Variants in COL2A1 observed in about 807,000 individuals in gnomAD.
COL2A1 encodes collagen alpha-1(II) chain.
Under a neutral mutation model 204.5 loss-of-function variants are expected in COL2A1, and 28 were observed. The observed-to-expected ratio is 0.14, with a 90% CI of 0.10 to 0.19. The LOEUF is 0.19. COL2A1 is among the 10% of genes least tolerant of loss of function. The probability of loss-of-function intolerance (pLI) is 1.00; values close to 1 mark genes in which losing one functional copy is unlikely to be tolerated. For missense variants in COL2A1, 1,388 were observed against 2,027.5 expected (o/e 0.68, Z 6.06); for synonymous variants, 708 against 718.7 (o/e 0.99, Z 0.24).
intron 16 of COL2A1, among the ~76,000 whole-genome samples, chr12:47,991,450 G>A (rs1176932434): frequency 6.6e-6 from 1 of 152,104 alleles, no homozygotes. Flanking sequence ...TGCACACCCC[G>A]GACACTGCAC....
At chr12:47,981,220 G>A in intron 37 of COL2A1, 123 bp downstream of exon 37, 1 of 1,109,552 alleles carries the variant, frequency 9.0e-7, no homozygotes, top group Non-Finnish European at 1.3e-6. Flanking sequence ...AGCGGGTAGG[G>A]AGGGAGCCAG....
chr12:47,977,767 C>T (rs1413783272), intron 44 of COL2A1, 114 bp from the exon 45 acceptor site: 2 of 1,226,706 alleles, frequency 1.6e-6, no homozygotes, highest in African/African-American at 1.5e-5. Flanking sequence ...AACTCACTCA[C>T]ACTTTGAAGC....
rs1351714277 is a variant in COL2A1 at position 47,978,281 on chromosome 12, C to T, written c.3003+10G>A. ...CAGCTTGGATGGAGGGAGGGATACC[C>T]CACACTCACCGACGGGCCAGGCAAG... On this transcript the variant is annotated intron_variant, in intron 43 of 53. Coordinates refer to ENST00000380518, the MANE Select transcript of COL2A1 (RefSeq NM_001844.5). This position sits in a 1 kb window ranked among gnomAD's most constrained non-coding sequence, Gnocchi z 5.5. 1 of 1,613,508 alleles carries T rather than the reference C, an allele frequency of 6.2e-7. No individual in the cohort carries two copies.
chr12:47,982,424 G>A (rs1939146055), intron 34 of COL2A1, 78 bp downstream of exon 34: 2 of 1,224,770 alleles, frequency 1.6e-6, no homozygotes, highest in African/African-American at 1.5e-5. Context: ...GGTGCCATAA[G>A]GGAACGGAAG....
chr12:47,986,348 G>A lies in COL2A1; in HGVS notation c.1515C>T (p.Pro505=). ...GEPGGVGPIG[P]PGERGAPGNR... ...ACATTCACTTAACTCTTTCTCCAGG[G>A]GGACCGATGGGCCCAACGCCACCAG... The change falls in exon 23 of 54, where the codon CCC becomes CCT. Residue 505 remains proline, a synonymous_variant. Transcript: ENST00000380518. 6.4e-7 allele frequency: 1 copy of A among 1,563,122 alleles called. No individual in the cohort carries two copies. The highest frequency in any genetic ancestry group is 8.7e-7 in the Non-Finnish European group (1 of 1,152,366).
chr12:47,982,687 A>G, intron 33 of COL2A1, 78 bp from the exon 34 acceptor site: 1 of 1,305,674 alleles, frequency 7.7e-7, no homozygotes, highest in Non-Finnish European at 1.1e-6. Flanking sequence ...CTGGGTAACC[A>G]GGGCCCCAAA....
At position 47,985,830 on chromosome 12, in the gene COL2A1, C is replaced by T. The variant is rs2136568240; in HGVS notation, c.1582-4G>A. ...GCCCTCGCTCTCCAGGGGCTCCCTA[C>T]AAGGGTACACAGGGAGTCAGTGGGA... is the stretch of plus-strand genomic sequence containing the variant. On this transcript the variant is annotated splice_polypyrimidine_tract_variant and splice_region_variant and intron_variant, in intron 24 of 53. Transcript: ENST00000380518. 1.2e-6 allele frequency: 2 copies of T among 1,606,436 alleles called. No homozygotes were observed. The highest frequency in any genetic ancestry group is 2.2e-5 in the East Asian group (1 of 44,602).
In COL2A1 at chr12:47,973,482, A is replaced by C. The variant is rs1224083058; in HGVS notation, c.4389T>G (p.Ile1463Met). ...RSQKTSRLPI[I>M]DIAPMDIGGP... The stretch of plus-strand genomic sequence containing the variant: ...CTCCTATGTCCATGGGTGCAATGTC[A>C]ATGATGGGGAGGCGTGAGGTCTTCT... Residue 1463 changes from isoleucine to methionine, a missense_variant, in exon 54 of 54, where the codon ATT (isoleucine) becomes ATG (methionine). Ile to Met is a conservative substitution (Grantham distance 10, BLOSUM62 1). Transcript: ENST00000380518. 6.2e-7 allele frequency: 1 copy of C among 1,614,060 alleles called. No individual in the cohort carries two copies. The highest frequency in any genetic ancestry group is 1.3e-5 in the African/African-American group (1 of 74,996).
intron 40 of COL2A1, among the ~76,000 whole-genome samples, 157 bp downstream of exon 40, chr12:47,979,852 G>T (rs1283257813): frequency 6.6e-6 from 1 of 152,122 alleles, no homozygotes; most frequent in Non-Finnish European, 1.5e-5. Context: ...GCCCACAGGC[G>T]CCCTCTCTCC....
intron 29 of COL2A1, 29 bp downstream of exon 29, chr12:47,984,058 C>T (rs1369455940): frequency 1.9e-6 from 3 of 1,601,486 alleles, no homozygotes; most frequent in Non-Finnish European, 2.6e-6. Flanking sequence ...GCCCCCAGGG[C>T]CACCTGGGGA....
At position 47,980,111 on chromosome 12, in the gene COL2A1, G is replaced by A. The variant is rs760674735; in HGVS notation, c.2626-49C>T. 2.0e-5 allele frequency: 30 copies of A among 1,480,486 alleles called. No homozygotes were observed. The highest frequency in any genetic ancestry group is 7.0e-5 in the African/African-American group (5 of 71,658). The allele number at this position is 1,480,486 out of a possible 1,614,324, so 91.7% of individuals were successfully genotyped here. On this transcript the variant is annotated intron_variant, in intron 39 of 53. Transcript: ENST00000380518. The surrounding 1 kb of genome is among the most constrained non-coding windows in gnomAD (Gnocchi z 4.5). ...TGAGGCCCAGTGGCCCAAGGAAGAC[G>A]GTGGGCTTCTGTCTGAGCCCCAACA... is the stretch of plus-strand genomic sequence containing the variant.
In COL2A1 at chr12:47,976,047, G is replaced by C; in HGVS notation, c.3513C>G (p.Pro1171=). 6.2e-7 allele frequency: 1 copy of C among 1,613,920 alleles called. No homozygotes were observed. Among genetic ancestry groups the C allele is most frequent in the Non-Finnish European group, 8.5e-7 (1 of 1,179,756 alleles). ...GPRGPPGPVG[P]SGKDGANGIP... ...TTCCATTAGCACCATCTTTGCCAGA[G>C]GGACCGACGGGGCCAGGAGGACCCT... The change falls in exon 50 of 54, where the codon CCC becomes CCG. Residue 1171 remains proline (P), a synonymous_variant. Coordinates refer to ENST00000380518, the MANE Select transcript of COL2A1 (RefSeq NM_001844.5). This position sits in a 1 kb window ranked among gnomAD's most constrained non-coding sequence, Gnocchi z 4.3.
chr12:48,005,076 C>T (rs1198904603), upstream of COL2A1, among the ~76,000 whole-genome samples: 2 of 152,186 alleles, frequency 1.3e-5, no homozygotes, highest in Non-Finnish European at 2.9e-5. Flanking sequence ...GTACCTGGTC[C>T]CCAGACTCCC....
chr12:47,981,029 C>A, intron 37 of COL2A1, 61 bp from the exon 38 acceptor site: 4 of 1,495,524 alleles, frequency 2.7e-6, no homozygotes, highest in Non-Finnish European at 3.6e-6. Context: ...CTTCTGCTCC[C>A]CTCCAAGAGC....
rs765750308 is a variant in COL2A1, at chr12:47,989,216, C to A, written c.1122+12G>T. On this transcript the variant is annotated intron_variant, in intron 18 of 53. Transcript: ENST00000380518. ...CACCCAGAAGTTCCTGACTGGACAA[C>A]AGGGCACGTACCTTGGCTCCAGGAG... The A allele has an allele frequency of 8.7e-6, 14 of 1,610,144 alleles. No homozygotes were observed. The South Asian group carries it at 1.3e-4, about 15-fold the overall frequency.
rs1315229709 is a variant in COL2A1, at chr12:47,981,791, A to G, written c.2394T>C (p.Gly798=). 6.4e-7 allele frequency: 1 copy of G among 1,554,392 alleles called. No individual in the cohort carries two copies. Among genetic ancestry groups the G allele is most frequent in the Non-Finnish European group, 8.7e-7 (1 of 1,148,548 alleles). ...CGGGACTCACCTTCTCGCCATTAGC[A>G]CCAGCTGGGCCAGGGGGGCCAATGG... ...TGPIGPPGPA[G]ANGEKGEVGP... Residue 798 remains glycine, a synonymous_variant, in exon 36 of 54, where the codon GGT becomes GGC. Transcript: ENST00000380518.
chr12:47,979,827 A>G (rs1394242351), intron 40 of COL2A1, among the ~76,000 whole-genome samples, 182 bp downstream of exon 40: 1 of 152,136 alleles, frequency 6.6e-6, no homozygotes, highest in East Asian at 1.9e-4. Context: ...GGAATCCGGG[A>G]CCACAGTGCA....
intron 35 of COL2A1, 97 bp from the exon 36 acceptor site, chr12:47,981,926 C>A: frequency 7.4e-7 from 1 of 1,357,016 alleles, no homozygotes; most frequent in Non-Finnish European, 1.0e-6. Flanking sequence ...CTCCCACCGC[C>A]TCCAGAGCTC....
chr12:47,986,727 A>T, intron 22 of COL2A1, 108 bp downstream of exon 22: 1 of 1,293,520 alleles, frequency 7.7e-7, no homozygotes, highest in Non-Finnish European at 1.1e-6. Flanking sequence ...AAGGACCCAG[A>T]TTGGGGGATA....
Sources: gnomAD v4.1 joint callset for allele counts (sites outside exome capture counted in the v4.1 genomes callset) on GRCh38, gnomAD v4.1.1 for gene constraint, Gnocchi (gnomAD v3.1) non-coding constraint, MANE v1.5 for transcripts, NCBI Gene and HGNC (gene_info 2026-07-23, HGNC 2026-07-21) for gene names.